Variants in PPFIA1 observed in about 807,000 individuals in gnomAD.
The protein encoded by PPFIA1 is liprin-alpha-1.
Under a neutral mutation model 149.9 loss-of-function variants are expected in PPFIA1, and 25 were observed. The ratio of observed to expected loss-of-function variants is 0.17; its 90% CI spans 0.12 to 0.23. PPFIA1 has a LOEUF of 0.23. Among genes scored for constraint, PPFIA1 ranks in the 10% least tolerant of loss-of-function variants. The pLI is 1.00. For missense variants in PPFIA1, 1,362 were observed against 1,506.5 expected (o/e 0.90, Z 1.59); for synonymous variants, 549 against 552.8 (o/e 0.99, Z 0.10).
At chr11:70,294,807 T>C (rs867159725) in intron 2 of PPFIA1, among the ~76,000 whole-genome samples, 37 of 151,838 alleles carry the variant, frequency 2.4e-4, no homozygotes, top group African/African-American at 5.3e-4. Context: ...CATCTTGCAC[T>C]GCCCTTAATC....
At chr11:70,292,051 A>G (rs897730915) in intron 2 of PPFIA1, among the ~76,000 whole-genome samples, 2 of 151,734 alleles carry the variant, frequency 1.3e-5, no homozygotes, top group African/African-American at 4.8e-5. Context: ...GTTAGCCAGG[A>G]TGGTCTGGAT....
intron 2 of PPFIA1, among the ~76,000 whole-genome samples, chr11:70,291,691 A>G (rs2051532292): frequency 6.6e-6 from 1 of 152,028 alleles, no homozygotes; most frequent in Non-Finnish European, 1.5e-5. Context: ...TATTTTTGAG[A>G]CAGGGTCTCA....
intron 15 of PPFIA1, among the ~76,000 whole-genome samples, chr11:70,347,680 G>A (rs774870429): frequency 3.9e-5 from 6 of 151,946 alleles, no homozygotes; most frequent in Admixed American, 1.3e-4. Context: ...CACTCCAGCC[G>A]GGATGACAGT....
chr11:70,344,242 A>G (rs1175780542), intron 15 of PPFIA1, among the ~76,000 whole-genome samples: 1 of 152,214 alleles, frequency 6.6e-6, no homozygotes, highest in Non-Finnish European at 1.5e-5. Flanking sequence ...GGAAGGCCAC[A>G]TGAGCTGAGC....
Position 70,335,624 on chromosome 11 carries a change from A to G in PPFIA1, c.1358A>G (p.Lys453Arg). Residue 453 changes from lysine (K) to arginine (R), a missense_variant, in exon 11 of 28, where the codon AAG becomes AGG. Transcript: ENST00000253925. ...AAACGTTTATCAGACACTGTTGACA[A>G]GCTGCTTTCAGAATCTAATGAGAGG... is the stretch of plus-strand genomic sequence containing the variant. ...HNKRLSDTVD[K>R]LLSESNERLQ... The G allele has an allele frequency of 6.2e-7, 1 of 1,614,064 alleles. No individual in the cohort carries two copies. Among genetic ancestry groups the G allele is most frequent in the Non-Finnish European group, 8.5e-7 (1 of 1,179,946 alleles).
intron 16 of PPFIA1, among the ~76,000 whole-genome samples, chr11:70,352,746 G>C (rs544857557): frequency 7.8e-6 from 1 of 129,008 alleles, no homozygotes; most frequent in Non-Finnish European, 1.6e-5. Context: ...GGCGTGTGGA[G>C]GGGTGGGAGG....
At chr11:70,352,728 CGGAGGGCGGCGTGTGGAGGGGTG>C (rs1565435630) in intron 16 of PPFIA1, among the ~76,000 whole-genome samples, 5 of 91,784 alleles carry the variant, frequency 5.4e-5, no homozygotes, top group Admixed American at 1.3e-4. Context: ...TGGAGGGGTG[CGGAGGGCGGCGTGTGGAGGGGTG>C]GGAGGGCGGC....
intron 25 of PPFIA1, among the ~76,000 whole-genome samples, chr11:70,377,366 A>G (rs1644977865): frequency 6.6e-6 from 1 of 152,208 alleles, no homozygotes; most frequent in African/African-American, 2.4e-5. Flanking sequence ...ACCATGACTC[A>G]TTTGTTCCAC....
chr11:70,366,995 CA>C (rs1173157973), intron 21 of PPFIA1, among the ~76,000 whole-genome samples: 1 of 151,920 alleles, frequency 6.6e-6, no homozygotes, highest in African/African-American at 2.4e-5. Flanking sequence ...TTTATAGGAC[CA>C]ATAATGACCA....
chr11:70,322,918 T>C (rs1406855217), intron 2 of PPFIA1, among the ~76,000 whole-genome samples: 1 of 151,030 alleles, frequency 6.6e-6, no homozygotes, highest in Non-Finnish European at 1.5e-5. Context: ...TGTCTTCCAC[T>C]CTCTCTGACC....
chr11:70,303,598 C>A (rs1429383340), intron 2 of PPFIA1, among the ~76,000 whole-genome samples: 3 of 152,300 alleles, frequency 2.0e-5, no homozygotes, highest in Admixed American at 6.5e-5. Flanking sequence ...TGTGCCCTGG[C>A]CCCTGGCACA....
At chr11:70,310,985 A>G (rs890301804) in intron 2 of PPFIA1, among the ~76,000 whole-genome samples, 2 of 152,162 alleles carry the variant, frequency 1.3e-5, no homozygotes, top group African/African-American at 2.4e-5. Context: ...GAAGGCAGGA[A>G]GGCAGGCCGT....
In PPFIA1 at chr11:70,362,383, G is replaced by A; in HGVS notation, c.2760G>A (p.Gln920=). 1.2e-6 allele frequency: 2 copies of A among 1,614,180 alleles called. No individual in the cohort carries two copies. The highest frequency in any genetic ancestry group is 1.7e-6 in the Non-Finnish European group (2 of 1,180,028). The change falls in exon 21 of 28, where the codon CAG becomes CAA. Residue 920 remains glutamine, a synonymous_variant. Transcript: ENST00000253925. ...CGGCCCTGTCCGACACAGAGATCCA[G>A]CGTGAGATTGGCATCAGCAACCCCC... The part of the protein sequence containing the change: ...IMSALSDTEI[Q]REIGISNPLH...
intron 8 of PPFIA1, 137 bp downstream of exon 8, chr11:70,330,456 A>C: frequency 1.5e-6 from 1 of 678,108 alleles, no homozygotes; most frequent in Non-Finnish European, 2.2e-6. Context: ...TGTTCAAGAC[A>C]TGTGGGAGTT....
At chr11:70,351,376 A>T (rs2056047191) in intron 16 of PPFIA1, among the ~76,000 whole-genome samples, 1 of 152,356 alleles carries the variant, frequency 6.6e-6, no homozygotes, top group East Asian at 1.9e-4. Flanking sequence ...CATAATAATC[A>T]CAGCTAGCAT....
intron 26 of PPFIA1, 103 bp downstream of exon 26, chr11:70,378,298 A>G (rs980111550): frequency 1.4e-6 from 2 of 1,423,998 alleles, no homozygotes; most frequent in Admixed American, 5.2e-5. Flanking sequence ...ATATGTTACA[A>G]GGCACTTGAG....
intron 16 of PPFIA1, chr11:70,350,878 C>A: frequency 2.4e-6 from 1 of 415,210 alleles, no homozygotes; most frequent in South Asian, 7.1e-5. Context: ...TCTCTAAATC[C>A]TGTCTCCTGT....
intron 14 of PPFIA1, among the ~76,000 whole-genome samples, chr11:70,340,751 T>A (rs1457287344): frequency 6.6e-6 from 1 of 151,970 alleles, no homozygotes; most frequent in Non-Finnish European, 1.5e-5. Context: ...AACAAATTAC[T>A]ACGGAGCTCA....
intron 21 of PPFIA1, chr11:70,371,986 A>C: frequency 2.9e-6 from 1 of 349,254 alleles, no homozygotes; most frequent in African/African-American, 2.1e-5. Context: ...TTAAAAGTTA[A>C]ATTTATCACA....
Sources: gnomAD v4.1 joint callset for allele counts (sites outside exome capture counted in the v4.1 genomes callset) on GRCh38, gnomAD v4.1.1 for gene constraint, MANE v1.5 for transcripts, NCBI Gene and HGNC (gene_info 2026-07-23, HGNC 2026-07-21) for gene names.